Variants in CDKN2B-AS1 observed in about 807,000 individuals in gnomAD.
CDKN2B-AS1 encodes CDKN2B and CDKN2A antisense cis and trans regulatory RNA 1, also known as CDKN2B antisense RNA 1 (non-protein coding).
exon 5 of CDKN2B-AS1, among the ~76,000 whole-genome samples, chr9:22,128,003 T>A (rs1473865170): frequency 6.6e-6 from 1 of 152,194 alleles, no homozygotes; most frequent in Non-Finnish European, 1.5e-5. Context: ...CCATGTCTCA[T>A]TCCGCTCATC....
chr9:22,106,938 G>A (rs1825675457), intron 4 of CDKN2B-AS1, among the ~76,000 whole-genome samples: 1 of 152,188 alleles, frequency 6.6e-6, no homozygotes, highest in Non-Finnish European at 1.5e-5. Flanking sequence ...TTCCCAAGTT[G>A]ATCAGTAGCA....
chr9:22,023,788 C>A (rs1822110475), intron 1 of CDKN2B-AS1, among the ~76,000 whole-genome samples: 1 of 152,188 alleles, frequency 6.6e-6, no homozygotes. Context: ...TCTATCAAGT[C>A]AGTTACATTC....
chr9:22,099,733 TATTA>T (rs1390942762), intron 4 of CDKN2B-AS1, among the ~76,000 whole-genome samples: 1 of 131,846 alleles, frequency 7.6e-6, no homozygotes, highest in Non-Finnish European at 1.7e-5. Flanking sequence ...CCTGATGTGG[TATTA>T]ATTATTAAGT....
chr9:22,064,374 T>A (rs1219348431), intron 4 of CDKN2B-AS1, among the ~76,000 whole-genome samples: 1 of 151,912 alleles, frequency 6.6e-6, no homozygotes, highest in Non-Finnish European at 1.5e-5. Flanking sequence ...CACAGCATAG[T>A]GTGGGGAGAA....
chr9:22,038,538 C>T (rs1340643660), intron 1 of CDKN2B-AS1, among the ~76,000 whole-genome samples: 2 of 151,978 alleles, frequency 1.3e-5, no homozygotes, highest in Admixed American at 6.6e-5. Flanking sequence ...CTGAACAACT[C>T]TAAATATCCA....
intron 4 of CDKN2B-AS1, among the ~76,000 whole-genome samples, chr9:22,087,573 G>A (rs1023361986): frequency 1.3e-5 from 2 of 152,146 alleles, no homozygotes; most frequent in Non-Finnish European, 2.9e-5. Flanking sequence ...AATTTCTATT[G>A]CTGATTATAA....
chr9:22,053,276 G>T (rs1483222008), intron 3 of CDKN2B-AS1, among the ~76,000 whole-genome samples: 2 of 152,188 alleles, frequency 1.3e-5, no homozygotes, highest in African/African-American at 4.8e-5. Flanking sequence ...TGTCTAGAAA[G>T]ACCTGGGCTT....
chr9:22,109,013 A>G (rs1298413012), intron 4 of CDKN2B-AS1, among the ~76,000 whole-genome samples: 1 of 152,220 alleles, frequency 6.6e-6, no homozygotes, highest in Admixed American at 6.5e-5. Context: ...CCTTTATTTA[A>G]CCTTGAATTT....
chr9:22,036,556 A>G (rs2131256739), intron 1 of CDKN2B-AS1, among the ~76,000 whole-genome samples: 1 of 152,196 alleles, frequency 6.6e-6, no homozygotes, highest in East Asian at 1.9e-4. Context: ...GAGCTACCTC[A>G]TTCTTTTAAA....
intron 3 of CDKN2B-AS1, among the ~76,000 whole-genome samples, chr9:22,050,385 T>C (rs774201942): frequency 6.6e-6 from 1 of 152,210 alleles, no homozygotes; most frequent in Non-Finnish European, 1.5e-5. Context: ...TGTACTGCTG[T>C]GATGACTGTG....
chr9:22,013,816 A>G (rs78782630), intron 1 of CDKN2B-AS1, among the ~76,000 whole-genome samples: 2,722 of 151,780 alleles, frequency 0.018, 60 homozygotes, highest in African/African-American at 0.048. Context: ...CAATTTATCT[A>G]TTGCAGAAAT....
intron 1 of CDKN2B-AS1, among the ~76,000 whole-genome samples, chr9:22,014,368 A>G (rs1027686137): frequency 1.3e-5 from 2 of 151,952 alleles, no homozygotes; most frequent in African/African-American, 4.8e-5. Flanking sequence ...TTTTTTGCCC[A>G]GGCTGGTCTC....
At chr9:22,024,930 C>T (rs549296901) in intron 1 of CDKN2B-AS1, among the ~76,000 whole-genome samples, 1 of 152,196 alleles carries the variant, frequency 6.6e-6, no homozygotes, top group African/African-American at 2.4e-5. Context: ...GCCAGCAGAC[C>T]AAGGAGTGCT....
intron 1 of CDKN2B-AS1, among the ~76,000 whole-genome samples, chr9:22,015,862 T>C (rs1156404173): frequency 6.6e-6 from 1 of 152,156 alleles, no homozygotes; most frequent in Non-Finnish European, 1.5e-5. Flanking sequence ...TGAGCATTTT[T>C]TCATGTGTCT....
intron 1 of CDKN2B-AS1, among the ~76,000 whole-genome samples, chr9:22,018,157 C>T (rs1394995195): frequency 1.3e-5 from 2 of 150,774 alleles, no homozygotes; most frequent in Non-Finnish European, 2.9e-5. Flanking sequence ...AACCATGTCT[C>T]TACTAAAAAT....
At chr9:22,020,046 C>T (rs549970668) in intron 1 of CDKN2B-AS1, among the ~76,000 whole-genome samples, 1 of 152,206 alleles carries the variant, frequency 6.6e-6, no homozygotes, top group Admixed American at 6.5e-5. Context: ...CTGATAGGCC[C>T]CGGTGTGTGT....
At chr9:22,109,672 G>A (rs997776650) in intron 4 of CDKN2B-AS1, among the ~76,000 whole-genome samples, 1 of 152,166 alleles carries the variant, frequency 6.6e-6, no homozygotes, top group Non-Finnish European at 1.5e-5. Context: ...AATTACATAT[G>A]AGATGTCATC....
intron 4 of CDKN2B-AS1, among the ~76,000 whole-genome samples, chr9:22,059,885 G>A (rs1040325114): frequency 2.0e-5 from 3 of 152,226 alleles, no homozygotes; most frequent in Non-Finnish European, 4.4e-5. Flanking sequence ...TCCACCCTCT[G>A]AAGCCACAGC....
chr9:22,059,224 A>T (rs1199273727), intron 4 of CDKN2B-AS1, among the ~76,000 whole-genome samples: 1 of 152,234 alleles, frequency 6.6e-6, no homozygotes, highest in Non-Finnish European at 1.5e-5. Context: ...ATCTGAGACA[A>T]GGGTAGTCCC....
Sources: allele counts gnomAD v4.1 joint callset (sites outside exome capture counted in the v4.1 genomes callset), GRCh38; gene constraint gnomAD v4.1.1; transcripts MANE v1.5; gene names NCBI Gene and HGNC (gene_info 2026-07-23, HGNC 2026-07-21).